NR3C2: variants seen among roughly 807,000 people sequenced by gnomAD.
The protein encoded by NR3C2 is mineralocorticoid receptor.
Under a neutral mutation model 86.4 loss-of-function variants are expected in NR3C2, and 15 were observed. That is an observed-to-expected ratio of 0.17 (90% confidence interval 0.12 to 0.27). The LOEUF is 0.27. NR3C2 is among the 10% of genes least tolerant of loss of function. NR3C2 has a pLI of 1.00. For synonymous variants in NR3C2, 458 were observed against 450.5 expected, an observed-to-expected ratio of 1.02 and a Z score of -0.21; for missense variants, 960 against 1,195.6, an observed-to-expected ratio of 0.80 and a Z score of 2.91.
chr4:148,386,355 G>C (rs1747262174), intron 2 of NR3C2, among the ~76,000 whole-genome samples: 1 of 152,166 alleles, frequency 6.6e-6, no homozygotes, highest in African/African-American at 2.4e-5. Flanking sequence ...TCCTGAAAAC[G>C]AGCATACCTC....
intron 2 of NR3C2, among the ~76,000 whole-genome samples, chr4:148,382,444 A>G (rs928715117): frequency 7.9e-5 from 12 of 152,268 alleles, no homozygotes; most frequent in East Asian, 3.9e-4. Flanking sequence ...CCCTAATGCT[A>G]TTGTACTTGT....
At chr4:148,373,470 C>CTTTTTTTTTTTTTT (rs774726733) in intron 2 of NR3C2, among the ~76,000 whole-genome samples, 1 of 129,796 alleles carries the variant, frequency 7.7e-6, no homozygotes, top group Non-Finnish European at 1.6e-5. Flanking sequence ...TAAAGGATGA[C>CTTTTTTTTTTTTTT]TTTTTTTTTC....
chr4:148,335,251 G>A (rs1744422403), intron 2 of NR3C2, among the ~76,000 whole-genome samples: 1 of 152,182 alleles, frequency 6.6e-6, no homozygotes, highest in African/African-American at 2.4e-5. Flanking sequence ...ATTAAAGCTG[G>A]TGGATGTTAA....
intron 2 of NR3C2, among the ~76,000 whole-genome samples, chr4:148,372,748 A>G (rs541130419): frequency 6.6e-6 from 1 of 152,244 alleles, no homozygotes; most frequent in Non-Finnish European, 1.5e-5. Context: ...AAGAAAAGTT[A>G]TTAAGTTATA....
At position 148,325,042 on chromosome 4, in the gene NR3C2, T is replaced by C. The variant is rs1456949208; in HGVS notation, c.1758-64925A>G. Among the ~76,000 whole-genome samples the C allele has an allele frequency of 2.0e-5, 3 of 152,118 alleles. 1 individual carries two copies. The highest frequency in any genetic ancestry group is 4.1e-4 in the South Asian group (2 of 4,828). On this transcript the variant is annotated intron_variant, in intron 2 of 8. Transcript: ENST00000358102. ...TATTCGTATAACCATAAATTTATCA[T>C]GAAAATTCTCTAATACAAGCATCAT...
At chr4:148,437,929 A>G (rs1750155872) in intron 1 of NR3C2, among the ~76,000 whole-genome samples, 1 of 152,358 alleles carries the variant, frequency 6.6e-6, no homozygotes, top group Middle Eastern at 3.4e-3. Flanking sequence ...CAGAATCTTC[A>G]TAATAGGCTA....
chr4:148,341,037 A>G (rs1298900871), intron 2 of NR3C2, among the ~76,000 whole-genome samples: 1 of 152,118 alleles, frequency 6.6e-6, no homozygotes. Flanking sequence ...AGATAAATTA[A>G]TACAGTCACT....
chr4:148,319,849 C>A (rs1743458824), intron 2 of NR3C2, among the ~76,000 whole-genome samples: 1 of 145,474 alleles, frequency 6.9e-6, no homozygotes, highest in African/African-American at 2.7e-5. Context: ...TTCCTCTTTT[C>A]CTAATTGAAT....
chr4:148,339,255 G>A (rs1372136185), intron 2 of NR3C2, among the ~76,000 whole-genome samples: 1 of 152,132 alleles, frequency 6.6e-6, no homozygotes, highest in Non-Finnish European at 1.5e-5. Context: ...AGGATGAAAG[G>A]ACCACTGTTT....
At chr4:148,286,534 CT>C (rs1741529308) in intron 2 of NR3C2, among the ~76,000 whole-genome samples, 1 of 152,128 alleles carries the variant, frequency 6.6e-6, no homozygotes, top group Non-Finnish European at 1.5e-5. Context: ...GTAAAATAGC[CT>C]CAACAGTCAT....
At chr4:148,293,924 G>A (rs1741915954) in intron 2 of NR3C2, among the ~76,000 whole-genome samples, 1 of 152,164 alleles carries the variant, frequency 6.6e-6, no homozygotes, top group Non-Finnish European at 1.5e-5. Context: ...CTTTGCATCA[G>A]AGGGAAATTC....
intron 2 of NR3C2, among the ~76,000 whole-genome samples, chr4:148,326,628 A>G (rs1243941288): frequency 1.3e-5 from 2 of 151,996 alleles, no homozygotes; most frequent in Non-Finnish European, 2.9e-5. Context: ...AATCTTTAAA[A>G]GTCCAACTCT....
intron 2 of NR3C2, among the ~76,000 whole-genome samples, chr4:148,395,981 T>C (rs1446130599): frequency 1.3e-5 from 2 of 152,238 alleles, no homozygotes; most frequent in South Asian, 2.1e-4. Flanking sequence ...GGCATTCCAC[T>C]ATGCTTACAA....
chr4:148,444,264 C>G, upstream of NR3C2: 1 of 985,330 alleles, frequency 1.0e-6, no homozygotes, highest in South Asian at 4.7e-5. Context: ...TGAGGAGGGC[C>G]GGTCTTGCCC....
At chr4:148,371,279 A>G (rs1462663833) in intron 2 of NR3C2, among the ~76,000 whole-genome samples, 1 of 151,944 alleles carries the variant, frequency 6.6e-6, no homozygotes, top group African/African-American at 2.4e-5. Flanking sequence ...GGTCTTATTC[A>G]TTCTATTTTT....
At position 148,186,427 on chromosome 4, in the gene NR3C2, T is replaced by C. The variant is rs555120252; in HGVS notation, c.2014+8319A>G. ...ATTGTTTAAGGCCTTTGCAGTAATA[T>C]TTGATTTGTAAGTAATGTTCATTTT... On this transcript the variant is annotated intron_variant, in intron 4 of 8. Transcript: ENST00000358102. Among the ~76,000 whole-genome samples, 15 of 152,262 alleles carry C rather than the reference T, an allele frequency of 9.9e-5. No homozygotes were observed. The South Asian group carries it at 2.9e-3, about 29-fold the overall frequency.
chr4:148,198,757 G>A (rs977555361), intron 3 of NR3C2, among the ~76,000 whole-genome samples: 13 of 151,906 alleles, frequency 8.6e-5, no homozygotes, highest in East Asian at 7.7e-4. Context: ...GGTAGAGGTG[G>A]TAGTGATGAA....
chr4:148,288,632 C>T (rs974736372), intron 2 of NR3C2, among the ~76,000 whole-genome samples: 1 of 152,218 alleles, frequency 6.6e-6, no homozygotes, highest in Non-Finnish European at 1.5e-5. Flanking sequence ...TACTACCTCT[C>T]TCTTATATAC....
chr4:148,364,528 C>T (rs61762832), intron 2 of NR3C2, among the ~76,000 whole-genome samples: 324 of 152,282 alleles, frequency 2.1e-3, no homozygotes, highest in Non-Finnish European at 3.4e-3. Context: ...AGAGTGAATG[C>T]AGAATTCATA....
Sources: gnomAD v4.1 joint callset for allele counts (sites outside exome capture counted in the v4.1 genomes callset) on GRCh38, gnomAD v4.1.1 for gene constraint, MANE v1.5 for transcripts, NCBI Gene and HGNC (gene_info 2026-07-23, HGNC 2026-07-21) for gene names.